The following LRP1B variants were observed in gnomAD, a reference collection of about 807,000 sequenced individuals.
LRP1B encodes the protein low-density lipoprotein receptor-related protein 1B.
LRP1B carries 217 observed loss-of-function variants against 556.6 expected under a neutral mutation model. The observed-to-expected ratio is 0.39, with a 90% CI of 0.35 to 0.44. LRP1B has a LOEUF of 0.44. LRP1B is among the 20% of genes least tolerant of loss of function. The pLI, the probability that LRP1B is intolerant of heterozygous loss-of-function variation, is 1.00. For missense variants in LRP1B, 5,053 were observed against 5,620.8 expected (o/e 0.90, Z 3.23); for synonymous variants, 2,047 against 1,865.8 (o/e 1.10, Z -2.50).
intron 2 of LRP1B, among the ~76,000 whole-genome samples, chr2:141,693,254 G>C (rs901133255): frequency 3.3e-5 from 5 of 151,878 alleles, no homozygotes; most frequent in Non-Finnish European, 7.4e-5. Context: ...ATATCTGTGA[G>C]TTCAATTCTC....
chr2:141,212,438 C>T (rs1682603155), intron 6 of LRP1B, among the ~76,000 whole-genome samples: 1 of 149,374 alleles, frequency 6.7e-6, no homozygotes, highest in African/African-American at 2.4e-5. Context: ...ACCACCACGC[C>T]CGGATAATTT....
chr2:141,625,176 T>C (rs1372652599), intron 2 of LRP1B, among the ~76,000 whole-genome samples: 1 of 152,232 alleles, frequency 6.6e-6, no homozygotes, highest in African/African-American at 2.4e-5. Context: ...GTGGATCTTT[T>C]CTTCGCACTT....
At chr2:140,425,572 G>A (rs1356268415) in intron 66 of LRP1B, among the ~76,000 whole-genome samples, 7 of 152,086 alleles carry the variant, frequency 4.6e-5, no homozygotes, top group Admixed American at 3.9e-4. Context: ...AACCACACCT[G>A]GCTAATTTTT....
At chr2:140,536,311 T>TAAAAAAAAAA (rs70988404) in intron 46 of LRP1B, among the ~76,000 whole-genome samples, 13 of 61,894 alleles carry the variant, frequency 2.1e-4, no homozygotes, top group African/African-American at 5.6e-4. Flanking sequence ...CCCGTCTCTT[T>TAAAAAAAAAA]AAAAAAAAAA....
At chr2:141,992,014 T>C (rs1702357574) in intron 1 of LRP1B, among the ~76,000 whole-genome samples, 1 of 152,140 alleles carries the variant, frequency 6.6e-6, no homozygotes, top group South Asian at 2.1e-4. Context: ...GTCCCTCGTA[T>C]ATTTTTATAT....
At chr2:141,529,940 C>T (rs1431434332) in intron 2 of LRP1B, among the ~76,000 whole-genome samples, 1 of 152,086 alleles carries the variant, frequency 6.6e-6, no homozygotes, top group Non-Finnish European at 1.5e-5. Context: ...AAAACTACTG[C>T]ATAAGATCTC....
intron 4 of LRP1B, among the ~76,000 whole-genome samples, chr2:141,253,793 C>T (rs867737981): frequency 4.0e-5 from 6 of 151,424 alleles, no homozygotes; most frequent in South Asian, 2.1e-4. Context: ...CTCACACACG[C>T]GGAAGGAAAG....
intron 81 of LRP1B, 30 bp downstream of exon 81, chr2:140,323,863 A>G (rs1316331986): frequency 4.4e-6 from 5 of 1,128,838 alleles, no homozygotes; most frequent in Non-Finnish European, 6.4e-6. Context: ...ATTTACCAAT[A>G]TAGACAACTT....
At chr2:141,947,003 T>G (rs1700970858) in intron 1 of LRP1B, among the ~76,000 whole-genome samples, 1 of 152,156 alleles carries the variant, frequency 6.6e-6, no homozygotes. Context: ...ATTTTTTTTG[T>G]CCCAAATTTG....
intron 35 of LRP1B, among the ~76,000 whole-genome samples, chr2:140,737,044 C>T (rs184201698): frequency 1.3e-5 from 2 of 152,214 alleles, no homozygotes; most frequent in East Asian, 1.9e-4. Context: ...ATCTACAACA[C>T]CCACCCTCCC....
chr2:140,429,938 A>G (rs577784811), intron 66 of LRP1B, among the ~76,000 whole-genome samples: 1 of 151,164 alleles, frequency 6.6e-6, no homozygotes, highest in Non-Finnish European at 1.5e-5. Flanking sequence ...AGCTGTACTC[A>G]CTCTTTGTTG....
chr2:141,884,926 T>C (rs1699063704), intron 1 of LRP1B, among the ~76,000 whole-genome samples: 1 of 152,146 alleles, frequency 6.6e-6, no homozygotes, highest in African/African-American at 2.4e-5. Flanking sequence ...TGTAAATGTA[T>C]TTGGATGGAT....
rs1206348269 is a variant in LRP1B at position 140,386,007 on chromosome 2, T to C, written c.10417A>G (p.Lys3473Glu). ...AATTCATGAGGTCCACAAGTCTTTT[T>C]ATCTGTAATGGAAAGAACCAGAGTT... ...ADASDEANCD[K>E]KTCGPHEFQC... The change falls in exon 67 of 91, where the codon AAA (lysine) becomes GAA (glutamate). Residue 3473 changes from lysine (K) to glutamate (E), a missense_variant and splice_region_variant. Coordinates refer to ENST00000389484, the MANE Select transcript of LRP1B (RefSeq NM_018557.3). The C allele has an allele frequency of 1.0e-5, 16 of 1,589,942 alleles. No homozygotes were observed. The highest frequency in any genetic ancestry group is 1.4e-5 in the Non-Finnish European group (16 of 1,158,740).
At chr2:141,807,146 T>C (rs1351568177) in intron 2 of LRP1B, among the ~76,000 whole-genome samples, 2 of 152,074 alleles carry the variant, frequency 1.3e-5, no homozygotes, top group African/African-American at 4.8e-5. Flanking sequence ...TGTAGATTAG[T>C]GATGACTGCA....
intron 20 of LRP1B, among the ~76,000 whole-genome samples, chr2:140,923,648 A>G (rs1361392786): frequency 1.3e-5 from 2 of 152,110 alleles, no homozygotes; most frequent in African/African-American, 2.4e-5. Context: ...GAAGAATAGC[A>G]TTCAAAAATT....
chr2:142,025,809 G>A (rs1357038972), intron 1 of LRP1B, among the ~76,000 whole-genome samples: 1 of 152,108 alleles, frequency 6.6e-6, no homozygotes, highest in Non-Finnish European at 1.5e-5. Context: ...TATCTAAATA[G>A]GATAAAGCTT....
chr2:141,875,036 A>G (rs1489935991), intron 1 of LRP1B, among the ~76,000 whole-genome samples: 3 of 151,946 alleles, frequency 2.0e-5, no homozygotes, highest in Non-Finnish European at 4.4e-5. Flanking sequence ...AAACACCATT[A>G]TTACTGCTCA....
intron 3 of LRP1B, among the ~76,000 whole-genome samples, chr2:141,421,191 T>C (rs1254484872): frequency 6.6e-6 from 1 of 152,198 alleles, no homozygotes; most frequent in East Asian, 1.9e-4. Flanking sequence ...ATATCGCTTC[T>C]GGAGTTTTAA....
chr2:140,587,766 C>T (rs145758367), intron 43 of LRP1B, among the ~76,000 whole-genome samples: 63 of 152,162 alleles, frequency 4.1e-4, no homozygotes, highest in African/African-American at 1.3e-3. Context: ...CTGAGATATA[C>T]ACAATTATTA....
Sources: gnomAD v4.1 joint callset for allele counts (sites outside exome capture counted in the v4.1 genomes callset) on GRCh38, gnomAD v4.1.1 for gene constraint, MANE v1.5 for transcripts, NCBI Gene and HGNC (gene_info 2026-07-23, HGNC 2026-07-21) for gene names.